Variants in ZFPM2 observed in about 807,000 individuals in gnomAD.
The protein encoded by ZFPM2 is zinc finger protein, FOG family member 2, also known as zinc finger protein ZFPM2.
A neutral mutation model predicts 98.6 loss-of-function variants in ZFPM2; 20 were observed. The observed-to-expected ratio is 0.20, with a 90% CI of 0.14 to 0.29. The LOEUF is 0.29. ZFPM2 is among the 10% of genes least tolerant of loss of function. The pLI, the probability that ZFPM2 is intolerant of heterozygous loss-of-function variation, is 1.00. For missense variants in ZFPM2, 1,310 were observed against 1,388.6 expected (o/e 0.94, Z 0.90); for synonymous variants, 518 against 502.7 (o/e 1.03, Z -0.41).
intron 5 of ZFPM2, among the ~76,000 whole-genome samples, chr8:105,744,103 G>GTGT: frequency 1.3e-5 from 2 of 152,096 alleles, no homozygotes; most frequent in Middle Eastern, 6.8e-3. Context: ...TAGGCAAACC[G>GTGT]TGAAAATGAT....
rs34216988 is a variant in ZFPM2, at chr8:105,441,452, GAGAAAGAAAGAAAGAAAGAA to G, written c.200-2798_200-2779del. On this transcript the variant is annotated intron_variant, in intron 2 of 7. Transcript: ENST00000407775. ...AGAAAGAAAGAGAGAGAGAGAGAGA[GAGAAAGAAAGAAAGAAAGAA>G]AGAAAGAAAGAAAGAAAGAAAGAAA... 7.2e-4 allele frequency among the ~76,000 whole-genome samples: 28 copies of G among 38,954 alleles called. 2 individuals carry two copies. Among genetic ancestry groups the G allele is most frequent in the Admixed American group, 3.7e-3 (13 of 3,472 alleles). The allele number at this position is 38,954 out of a possible 152,430, so 25.6% of individuals were successfully genotyped here.
At chr8:105,450,734 TG>T (rs909699762) in intron 3 of ZFPM2, among the ~76,000 whole-genome samples, 7 of 151,848 alleles carry the variant, frequency 4.6e-5, no homozygotes, top group South Asian at 4.2e-4. Context: ...GTGTGTGTAT[TG>T]GGGGGGTCAG....
intron 3 of ZFPM2, among the ~76,000 whole-genome samples, chr8:105,502,291 G>A (rs957460194): frequency 2.6e-5 from 4 of 151,980 alleles, no homozygotes; most frequent in African/African-American, 7.3e-5. Context: ...TTGAAAGCAT[G>A]GGAAGTAAGG....
intron 2 of ZFPM2, among the ~76,000 whole-genome samples, chr8:105,425,568 G>A (rs1451990349): frequency 6.6e-6 from 1 of 152,168 alleles, no homozygotes; most frequent in Non-Finnish European, 1.5e-5. Flanking sequence ...AGTAGAACCA[G>A]TTTCATCATC....
At chr8:105,449,058 T>TA (rs1484414881) in intron 3 of ZFPM2, among the ~76,000 whole-genome samples, 8 of 152,052 alleles carry the variant, frequency 5.3e-5, no homozygotes, top group Admixed American at 3.3e-4. Context: ...CATCTACCTT[T>TA]ATGAAACAAG....
intron 4 of ZFPM2, among the ~76,000 whole-genome samples, chr8:105,587,983 G>A (rs1410985867): frequency 6.6e-6 from 1 of 152,122 alleles, no homozygotes; most frequent in Non-Finnish European, 1.5e-5. Flanking sequence ...TATGGATTAT[G>A]AAAACACGAG....
chr8:105,708,766 T>G (rs569335249), intron 5 of ZFPM2, among the ~76,000 whole-genome samples: 1 of 152,262 alleles, frequency 6.6e-6, no homozygotes, highest in African/African-American at 2.4e-5. Context: ...ATAAGAGTTT[T>G]TATATCCATT....
At chr8:105,607,776 C>A (rs139372244) in intron 4 of ZFPM2, among the ~76,000 whole-genome samples, 1 of 152,080 alleles carries the variant, frequency 6.6e-6, no homozygotes, top group Admixed American at 6.6e-5. Flanking sequence ...AGATCCCAAA[C>A]TCTAAATTAA....
At chr8:105,390,864 T>C (rs1288941708) in intron 1 of ZFPM2, among the ~76,000 whole-genome samples, 3 of 152,162 alleles carry the variant, frequency 2.0e-5, no homozygotes, top group Non-Finnish European at 4.4e-5. Flanking sequence ...TGTAAGAAAC[T>C]GCAGACTGAT....
intron 5 of ZFPM2, among the ~76,000 whole-genome samples, chr8:105,637,835 T>G (rs1350605531): frequency 6.6e-6 from 1 of 152,112 alleles, no homozygotes; most frequent in Non-Finnish European, 1.5e-5. Flanking sequence ...GGTTAACAAG[T>G]GTTAACTTGA....
chr8:105,613,629 G>A (rs1192727051), intron 4 of ZFPM2, among the ~76,000 whole-genome samples: 2 of 152,062 alleles, frequency 1.3e-5, no homozygotes, highest in Non-Finnish European at 2.9e-5. Flanking sequence ...AATCACCTTA[G>A]CATCTTACCT....
At chr8:105,683,429 A>T (rs1397272944) in intron 5 of ZFPM2, among the ~76,000 whole-genome samples, 3 of 152,112 alleles carry the variant, frequency 2.0e-5, no homozygotes. Flanking sequence ...TTTTTTTGGG[A>T]ACAGGGAGGA....
At chr8:105,607,639 C>T (rs1474912091) in intron 4 of ZFPM2, among the ~76,000 whole-genome samples, 1 of 152,056 alleles carries the variant, frequency 6.6e-6, no homozygotes, top group Non-Finnish European at 1.5e-5. Flanking sequence ...CTTACCATCT[C>T]CCTAAGCTGA....
At chr8:105,664,381 G>T (rs1817451311) in intron 5 of ZFPM2, among the ~76,000 whole-genome samples, 1 of 150,760 alleles carries the variant, frequency 6.6e-6, no homozygotes, top group South Asian at 2.1e-4. Flanking sequence ...CGTTCTTGTT[G>T]CCCAGGCTGG....
chr8:105,402,478 T>G (rs1811359273), intron 1 of ZFPM2, among the ~76,000 whole-genome samples: 1 of 151,968 alleles, frequency 6.6e-6, no homozygotes, highest in Non-Finnish European at 1.5e-5. Flanking sequence ...AAATTTATTT[T>G]TATCTAATTG....
At chr8:105,736,843 C>G (rs188654196) in intron 5 of ZFPM2, among the ~76,000 whole-genome samples, 1 of 152,124 alleles carries the variant, frequency 6.6e-6, no homozygotes, top group East Asian at 1.9e-4. Context: ...AGACATTTCT[C>G]CTATAAATAA....
intron 3 of ZFPM2, among the ~76,000 whole-genome samples, chr8:105,465,464 TA>T (rs1332151511): frequency 6.6e-6 from 1 of 151,894 alleles, no homozygotes. Context: ...TTATTTAGTA[TA>T]AAAATGAAAT....
At chr8:105,647,735 C>T (rs1045563834) in intron 5 of ZFPM2, among the ~76,000 whole-genome samples, 8 of 152,150 alleles carry the variant, frequency 5.3e-5, no homozygotes, top group Non-Finnish European at 8.8e-5. Context: ...GCATAGTATT[C>T]CATGGTGTAT....
At chr8:105,730,911 A>T (rs1465801576) in intron 5 of ZFPM2, among the ~76,000 whole-genome samples, 1 of 151,304 alleles carries the variant, frequency 6.6e-6, no homozygotes. Context: ...AGAGGCAAGG[A>T]TAAGAGGCTA....
Sources: allele counts gnomAD v4.1 joint callset (sites outside exome capture counted in the v4.1 genomes callset), GRCh38; gene constraint gnomAD v4.1.1; transcripts MANE v1.5; gene names NCBI Gene and HGNC (gene_info 2026-07-23, HGNC 2026-07-21).